ADAMTSL1: variants seen among roughly 807,000 people sequenced by gnomAD.
The protein encoded by ADAMTSL1 is ADAMTS-like protein 1.
ADAMTSL1 carries 126 observed loss-of-function variants against 201.8 expected under a neutral mutation model. The ratio of observed to expected loss-of-function variants is 0.62; its 90% CI spans 0.54 to 0.72. ADAMTSL1 has a LOEUF of 0.72. Among genes scored for constraint, ADAMTSL1 ranks in the 30% least tolerant of loss-of-function variants. The probability of loss-of-function intolerance (pLI) is 0.00; values close to 1 mark genes in which losing one functional copy is unlikely to be tolerated. For synonymous variants in ADAMTSL1, 1,121 were observed against 903.4 expected, an observed-to-expected ratio of 1.24 and a Z score of -4.32; for missense variants, 2,679 against 2,277.8, an observed-to-expected ratio of 1.18 and a Z score of -3.59.
At chr9:18,042,111 AG>A (rs2131637202) in intron 1 of ADAMTSL1, among the ~76,000 whole-genome samples, 1 of 149,736 alleles carries the variant, frequency 6.7e-6, no homozygotes, top group South Asian at 2.1e-4. Context: ...AAAAAAAAAA[AG>A]CTTACGAACA....
At chr9:18,403,777 T>G (rs192141352) in intron 2 of ADAMTSL1, among the ~76,000 whole-genome samples, 1 of 152,286 alleles carries the variant, frequency 6.6e-6, no homozygotes, top group African/African-American at 2.4e-5. Context: ...GTCCTTGAGT[T>G]TCTTCTGAAA....
At chr9:18,736,423 GTGAAAA>G (rs1367034835) in intron 15 of ADAMTSL1, among the ~76,000 whole-genome samples, 3 of 152,202 alleles carry the variant, frequency 2.0e-5, no homozygotes, top group Admixed American at 1.3e-4. Context: ...AACACCTTAT[GTGAAAA>G]TGGATAGTGT....
chr9:18,448,301 G>A (rs1018175189), intron 2 of ADAMTSL1, among the ~76,000 whole-genome samples: 22 of 152,144 alleles, frequency 1.4e-4, no homozygotes, highest in Non-Finnish European at 2.9e-4. Context: ...AAGGACACAG[G>A]ACACTGGATG....
chr9:18,208,823 C>G (rs1829755192), intron 2 of ADAMTSL1, among the ~76,000 whole-genome samples: 1 of 152,096 alleles, frequency 6.6e-6, no homozygotes, highest in Admixed American at 6.6e-5. Context: ...CTGGAAAGGA[C>G]AGACCTTGAT....
chr9:18,276,078 T>C (rs939822942), intron 2 of ADAMTSL1, among the ~76,000 whole-genome samples: 1 of 152,182 alleles, frequency 6.6e-6, no homozygotes, highest in Non-Finnish European at 1.5e-5. Context: ...ACCAAAAGTC[T>C]TTAGTTATCC....
chr9:18,699,274 A>G (rs1014261824), intron 13 of ADAMTSL1, among the ~76,000 whole-genome samples: 2 of 152,058 alleles, frequency 1.3e-5, no homozygotes, highest in Admixed American at 6.6e-5. Context: ...TTACTTGGAA[A>G]ATGCCTGTAA....
At chr9:18,292,913 T>G (rs549793265) in intron 2 of ADAMTSL1, among the ~76,000 whole-genome samples, 1 of 152,354 alleles carries the variant, frequency 6.6e-6, no homozygotes, top group South Asian at 2.1e-4. Flanking sequence ...ATAAACTCCC[T>G]TTCATATATA....
chr9:18,394,180 G>C (rs972137056), intron 2 of ADAMTSL1, among the ~76,000 whole-genome samples: 3 of 151,990 alleles, frequency 2.0e-5, no homozygotes, highest in Non-Finnish European at 4.4e-5. Context: ...TTTTTTAAAG[G>C]AGAAGCTGAG....
intron 1 of ADAMTSL1, among the ~76,000 whole-genome samples, chr9:18,083,423 G>A (rs1052061697): frequency 1.3e-5 from 2 of 152,178 alleles, no homozygotes; most frequent in African/African-American, 4.8e-5. Flanking sequence ...AATGAGACTA[G>A]GCTTTTTTGG....
At chr9:18,525,446 A>T (rs576319358) in intron 2 of ADAMTSL1, among the ~76,000 whole-genome samples, 1 of 151,856 alleles carries the variant, frequency 6.6e-6, no homozygotes, top group Non-Finnish European at 1.5e-5. Flanking sequence ...ATCTCTTTCA[A>T]TTCTGCTCTG....
In ADAMTSL1 at chr9:18,908,595, A is replaced by G; in HGVS notation, c.*47A>G. ...TCTACCCTGGCCACACGAAGGACTC[A>G]CGCAACCACCTCGGACAGAACCTAA... On this transcript the variant is annotated 3_prime_UTR_variant, in exon 29 of 29. Transcript: ENST00000380548. The G allele has an allele frequency of 1.4e-6, 2 of 1,435,350 alleles. No homozygotes were observed. Among genetic ancestry groups the G allele is most frequent in the South Asian group, 1.3e-5 (1 of 79,608 alleles). 88.9% of individuals were successfully genotyped at this position (1,435,350 alleles called of 1,614,324 possible).
intron 1 of ADAMTSL1, among the ~76,000 whole-genome samples, chr9:18,478,838 A>G (rs931216944): frequency 2.0e-5 from 3 of 152,232 alleles, no homozygotes; most frequent in African/African-American, 4.8e-5. Context: ...CAGTCTTGTC[A>G]TTGTTACTAA....
At chr9:18,266,156 C>G (rs1832110377) in intron 2 of ADAMTSL1, among the ~76,000 whole-genome samples, 1 of 152,226 alleles carries the variant, frequency 6.6e-6, no homozygotes, top group Non-Finnish European at 1.5e-5. Flanking sequence ...CACTGCTGCT[C>G]CAATTATACA....
chr9:18,576,089 T>C (rs1822706666), intron 4 of ADAMTSL1, among the ~76,000 whole-genome samples: 1 of 152,174 alleles, frequency 6.6e-6, no homozygotes, highest in Non-Finnish European at 1.5e-5. Context: ...TTAACTTATA[T>C]TCTTATGAGT....
intron 1 of ADAMTSL1, among the ~76,000 whole-genome samples, chr9:18,082,605 C>T (rs1823553625): frequency 6.6e-6 from 1 of 152,202 alleles, no homozygotes; most frequent in Admixed American, 6.5e-5. Flanking sequence ...CTCTTCAAGC[C>T]TCCCCAGACC....
At chr9:18,358,092 T>A (rs1836335776) in intron 2 of ADAMTSL1, among the ~76,000 whole-genome samples, 2 of 152,228 alleles carry the variant, frequency 1.3e-5, no homozygotes, top group Admixed American at 6.5e-5. Context: ...TTAGACATGT[T>A]ACTTTGGTCA....
At chr9:18,507,538 A>C (rs573490330) in intron 2 of ADAMTSL1, among the ~76,000 whole-genome samples, 3 of 152,322 alleles carry the variant, frequency 2.0e-5, no homozygotes, top group Admixed American at 6.5e-5. Flanking sequence ...TTTTGCTATT[A>C]CCTTCAATTC....
rs1184538291 is a variant in ADAMTSL1, at chr9:18,117,771, A to G, written c.88-46091A>G. 3.3e-5 allele frequency among the ~76,000 whole-genome samples: 5 copies of G among 152,144 alleles called. No homozygotes were observed. In the East Asian group the frequency reaches 9.6e-4, roughly 29 times the overall value. ...GAAACTAATGTAATGTCTGACACAT[A>G]ATAAATACTCAATATTTATTGAATA... is the stretch of plus-strand genomic sequence containing the variant. On this transcript the variant is annotated intron_variant, in intron 1 of 29. Transcript: ENST00000680146.
At chr9:18,318,146 A>G (rs947278615) in intron 2 of ADAMTSL1, among the ~76,000 whole-genome samples, 8 of 152,230 alleles carry the variant, frequency 5.3e-5, no homozygotes, top group Non-Finnish European at 1.0e-4. Flanking sequence ...TAAGTGATTT[A>G]GTAAATGTGG....
Sources: gnomAD v4.1 joint callset for allele counts (sites outside exome capture counted in the v4.1 genomes callset) on GRCh38, gnomAD v4.1.1 for gene constraint, MANE v1.5 for transcripts, NCBI Gene and HGNC (gene_info 2026-07-23, HGNC 2026-07-21) for gene names.